RAG1: variants seen among roughly 807,000 people sequenced by gnomAD.
The protein encoded by RAG1 is recombination activating 1.
A neutral mutation model predicts 62.7 loss-of-function variants in RAG1; 35 were observed. That is an observed-to-expected ratio of 0.56 (90% CI 0.43 to 0.74). The LOEUF (loss-of-function observed/expected upper bound fraction) is 0.74, where lower values mean the gene tolerates loss of function less well. Ranked by LOEUF, RAG1 falls within the 30% of genes least tolerant of loss-of-function variation. RAG1 has a pLI of 0.00. For synonymous variants in RAG1, 461 were observed against 470.3 expected (o/e 0.98, Z 0.26); for missense variants, 1,169 against 1,278.6 (o/e 0.91, Z 1.31).
downstream of RAG1, among the ~76,000 whole-genome samples, chr11:36,540,811 T>C (rs1338409005): frequency 6.6e-6 from 1 of 152,186 alleles, no homozygotes; most frequent in East Asian, 1.9e-4. Context: ...GGTTCTTTCT[T>C]CCCAAATAAA....
At chr11:36,541,133 G>C (rs1386165407) in intron 3 of RAG1, among the ~76,000 whole-genome samples, 1 of 152,178 alleles carries the variant, frequency 6.6e-6, no homozygotes, top group African/African-American at 2.4e-5. Flanking sequence ...GTGGTGCTGA[G>C]CTGTAAACAA....
At chr11:36,514,365 C>T (rs1243305022) in intron 1 of RAG1, among the ~76,000 whole-genome samples, 1 of 152,154 alleles carries the variant, frequency 6.6e-6, no homozygotes, top group Admixed American at 6.6e-5. Context: ...TGTTCTTAGC[C>T]CAGGAGATAC....
chr11:36,564,642 G>A (rs1008774780), upstream of RAG1, among the ~76,000 whole-genome samples: 3 of 152,204 alleles, frequency 2.0e-5, no homozygotes, highest in Non-Finnish European at 2.9e-5. Flanking sequence ...AGCTGCAGCC[G>A]ACGTTTAGAG....
chr11:36,540,914 G>T (rs1370756529), downstream of RAG1, among the ~76,000 whole-genome samples: 2 of 152,108 alleles, frequency 1.3e-5, no homozygotes, highest in Admixed American at 1.3e-4. Context: ...GGGGCACAGT[G>T]ATCTTGATCC....
Position 36,578,842 on chromosome 11 carries a change from T to C in RAG1, c.*2406T>C, listed in dbSNP as rs925886623. 6.0e-6 allele frequency: 1 copy of C among 167,100 alleles called. No homozygotes were observed. The highest frequency in any genetic ancestry group is 1.5e-5 in the Non-Finnish European group (1 of 68,134). 10.4% of individuals were successfully genotyped at this position (167,100 alleles called of 1,614,324 possible). A position where few individuals can be genotyped will look rare whatever the true frequency, so the allele number is the denominator to read the frequency against. ...GCCTATTGCAAGTGCAATTATATAC[T>C]CCAGGGAAATTCACCACACTGAATC... On this transcript the variant is annotated 3_prime_UTR_variant, in exon 2 of 2. Coordinates refer to ENST00000299440, the MANE Select transcript of RAG1 (RefSeq NM_000448.3).
chr11:36,530,977 T>C (rs1250892362), intron 2 of RAG1, among the ~76,000 whole-genome samples: 1 of 152,038 alleles, frequency 6.6e-6, no homozygotes, highest in Non-Finnish European at 1.5e-5. Flanking sequence ...GTTTCACTTA[T>C]TTTTCAACAC....
At chr11:36,539,302 C>T (rs998411829), downstream of RAG1, among the ~76,000 whole-genome samples, 1 of 152,132 alleles carries the variant, frequency 6.6e-6, no homozygotes, top group African/African-American at 2.4e-5. Context: ...GAAACCAGGC[C>T]TGCTGACACT....
chr11:36,568,235 CA>C lies in RAG1; in HGVS notation c.-15+116del, dbSNP rs1850687696. On this transcript the variant is annotated intron_variant, in intron 1 of 1. Transcript: ENST00000299440. The stretch of plus-strand genomic sequence containing the variant: ...CCAGGTGATGAGGGGATGGAATGAG[CA>C]AAGCTACATCAATTTTTTTTTAATG... The C allele has an allele frequency of 3.3e-5, 5 of 151,886 alleles. No homozygotes were observed. In the South Asian group the frequency reaches 1.0e-3, roughly 32 times the overall value. The allele number at this position is 151,886 out of a possible 1,614,324, so 9.4% of individuals were successfully genotyped here.
intron 1 of RAG1, among the ~76,000 whole-genome samples, chr11:36,513,637 G>C (rs1859956369): frequency 6.6e-6 from 1 of 152,134 alleles, no homozygotes; most frequent in African/African-American, 2.4e-5. Flanking sequence ...CCTGAGACTG[G>C]GTAGTTTATA....
rs1850808684 is a variant in RAG1, at chr11:36,574,604, T to A, written c.1300T>A (p.Cys434Ser). 3 of 1,614,092 alleles carry A rather than the reference T, an allele frequency of 1.9e-6. No homozygotes were observed. Among genetic ancestry groups the A allele is most frequent in the Non-Finnish European group, 2.5e-6 (3 of 1,180,040 alleles). ...KEEGGDVKSV[C>S]MTLFLLALRA... ...AGAAGGTGGAGATGTGAAGTCCGTG[T>A]GCATGACCTTGTTCCTGCTGGCTCT... Residue 434 changes from cysteine to serine, a missense_variant, in exon 2 of 2, where the codon TGC becomes AGC. Around this residue, in one of 2 missense-constraint regions of RAG1, gnomAD observed 800 missense variants for 943.3 expected, o/e 0.85. Transcript: ENST00000299440.
upstream of RAG1, chr11:36,565,883 G>C (rs889283891): frequency 2.6e-5 from 4 of 152,172 alleles, no homozygotes; most frequent in African/African-American, 9.7e-5. Context: ...AAATACTGGT[G>C]ATGTATACAA....
rs752020152 is a variant in RAG1 at position 36,575,636 on chromosome 11, C to A, written c.2332C>A (p.Arg778=). The A allele has an allele frequency of 3.7e-6, 6 of 1,614,066 alleles. No individual in the cohort carries two copies. Among genetic ancestry groups the A allele is most frequent in the Admixed American group, 1.7e-5 (1 of 60,006 alleles). Residue 778 remains arginine (R), a synonymous_variant, in exon 2 of 2, where the codon CGG becomes AGG. Transcript: ENST00000299440. This position sits in a 1 kb window ranked among gnomAD's most constrained non-coding sequence, Gnocchi z 4.1. ...TGAGTCTGTGGAAGAACTGCGGGAT[C>A]GGGTGAAAGGGGTCTCAGCTAAACC... The part of the protein sequence containing the change: ...YHESVEELRD[R]VKGVSAKPFI...
chr11:36,575,073 T>C lies in RAG1; in HGVS notation c.1769T>C (p.Leu590Pro). The C allele has an allele frequency of 1.9e-6, 3 of 1,614,154 alleles. No homozygotes were observed. In the South Asian group the frequency reaches 3.3e-5, roughly 18 times the overall value. ...AGATCCCAAGACCTTGATGATTACCTGAATGGCCCCTTCACTGTGGTGGTG... is the reference window on the plus strand; with the variant it reads ...AGATCCCAAGACCTTGATGATTACCCGAATGGCCCCTTCACTGTGGTGGTG... ...GMRSQDLDDY[L>P]NGPFTVVVKE... The change falls in exon 2 of 2, where the codon CTG (leucine) becomes CCG (proline). Residue 590 changes from leucine (L) to proline (P), a missense_variant. Coordinates refer to ENST00000299440, the MANE Select transcript of RAG1 (RefSeq NM_000448.3). This position sits in a 1 kb window ranked among gnomAD's most constrained non-coding sequence, Gnocchi z 4.1.
chr11:36,536,365 C>G (rs2133260176), downstream of RAG1, among the ~76,000 whole-genome samples: 1 of 151,870 alleles, frequency 6.6e-6, no homozygotes, highest in East Asian at 1.9e-4. Context: ...ATGAAAGAAG[C>G]CAGAAAAAAA....
intron 2 of RAG1, among the ~76,000 whole-genome samples, chr11:36,528,686 C>CA (rs1860204727): frequency 1.3e-5 from 2 of 151,740 alleles, no homozygotes; most frequent in Admixed American, 6.6e-5. Context: ...AAAAACCTTT[C>CA]AAAAAAATCA....
upstream of RAG1, among the ~76,000 whole-genome samples, chr11:36,566,132 A>G (rs1027015305): frequency 1.2e-4 from 18 of 152,194 alleles, no homozygotes; most frequent in African/African-American, 3.9e-4. Context: ...TCTGAACCTC[A>G]CACCTTCACC....
At chr11:36,571,760 G>T (rs1850748858) in intron 1 of RAG1, among the ~76,000 whole-genome samples, 1 of 152,052 alleles carries the variant, frequency 6.6e-6, no homozygotes, top group Non-Finnish European at 1.5e-5. Context: ...GATTTCAAGT[G>T]CCTGCCACCA....
intron 3 of RAG1, among the ~76,000 whole-genome samples, chr11:36,548,930 G>A (rs1236546572): frequency 6.6e-6 from 1 of 152,102 alleles, no homozygotes; most frequent in African/African-American, 2.4e-5. Flanking sequence ...CAGGTATATA[G>A]ACCCATGGAA....
chr11:36,512,943 G>C (rs896830162), intron 1 of RAG1, among the ~76,000 whole-genome samples: 9 of 152,144 alleles, frequency 5.9e-5, no homozygotes, highest in South Asian at 2.1e-4. Context: ...TCATGCGTTG[G>C]AAACTTGATC....
Sources: allele counts gnomAD v4.1 joint callset (sites outside exome capture counted in the v4.1 genomes callset), GRCh38; gene constraint gnomAD v4.1.1; regional missense constraint gnomAD v4.1.1; non-coding constraint Gnocchi (gnomAD v3.1); transcripts MANE v1.5; gene names NCBI Gene and HGNC (gene_info 2026-07-23, HGNC 2026-07-21).